MECOM: variants seen among roughly 807,000 people sequenced by gnomAD.
The protein encoded by MECOM is MDS1 and EVI1 complex locus.
MECOM carries 13 observed loss-of-function variants against 116.3 expected under a neutral mutation model. That is an observed-to-expected ratio of 0.11 (90% CI 0.07 to 0.18). The LOEUF (loss-of-function observed/expected upper bound fraction) is 0.18, where lower values mean the gene tolerates loss of function less well. Ranked by LOEUF, MECOM falls within the 10% of genes least tolerant of loss-of-function variation. The probability of loss-of-function intolerance (pLI) is 1.00; values close to 1 mark genes in which losing one functional copy is unlikely to be tolerated. For synonymous variants in MECOM, 528 were observed against 535.2 expected (o/e 0.99, Z 0.19); for missense variants, 1,299 against 1,509.0 (o/e 0.86, Z 2.31).
intron 1 of MECOM, among the ~76,000 whole-genome samples, chr3:169,633,839 GA>G (rs780309624): frequency 6.6e-6 from 1 of 151,232 alleles, no homozygotes; most frequent in Non-Finnish European, 1.5e-5. Context: ...AAGTGTCAGG[GA>G]GGAAACAAAG....
intron 1 of MECOM, among the ~76,000 whole-genome samples, chr3:169,506,416 C>G (rs948813261): frequency 6.6e-6 from 1 of 151,786 alleles, no homozygotes; most frequent in Non-Finnish European, 1.5e-5. Context: ...TAGCGACTTT[C>G]CTCTTGACTT....
intron 1 of MECOM, among the ~76,000 whole-genome samples, chr3:169,598,716 A>T (rs1262645219): frequency 6.6e-6 from 1 of 152,214 alleles, no homozygotes; most frequent in Non-Finnish European, 1.5e-5. Flanking sequence ...GTTGGTGCAT[A>T]TAAACTCTTA....
chr3:169,460,932 T>C (rs1481687328), intron 1 of MECOM, among the ~76,000 whole-genome samples: 1 of 152,192 alleles, frequency 6.6e-6, no homozygotes, highest in East Asian at 1.9e-4. Context: ...CAGATTCAGG[T>C]ATCAGTTGGC....
chr3:169,280,601 G>T (rs1272501827), intron 2 of MECOM, among the ~76,000 whole-genome samples: 1 of 152,176 alleles, frequency 6.6e-6, no homozygotes, highest in African/African-American at 2.4e-5. Flanking sequence ...GCTAAATAGG[G>T]AGGGGTTGTG....
chr3:169,414,426 A>G (rs1010621066), intron 1 of MECOM, among the ~76,000 whole-genome samples: 2 of 152,244 alleles, frequency 1.3e-5, no homozygotes, highest in Admixed American at 6.5e-5. Flanking sequence ...GAAGATGGGG[A>G]AAAACCAGCA....
At chr3:169,608,631 A>G (rs532699972) in intron 1 of MECOM, among the ~76,000 whole-genome samples, 1 of 152,284 alleles carries the variant, frequency 6.6e-6, no homozygotes, top group African/African-American at 2.4e-5. Flanking sequence ...GCAGTTATTA[A>G]GAGTCTGGTG....
intron 2 of MECOM, among the ~76,000 whole-genome samples, chr3:169,253,735 C>T (rs1176602604): frequency 6.6e-6 from 1 of 151,988 alleles, no homozygotes; most frequent in African/African-American, 2.4e-5. Context: ...AATGGCTTAA[C>T]ACAATTTCAT....
chr3:169,100,362 G>T (rs1480151667), intron 12 of MECOM, among the ~76,000 whole-genome samples: 1 of 151,964 alleles, frequency 6.6e-6, no homozygotes, highest in Non-Finnish European at 1.5e-5. Context: ...GCCTCCCAAA[G>T]TGTCGGGATT....
intron 8 of MECOM, among the ~76,000 whole-genome samples, chr3:169,113,705 TA>T (rs1488607469): frequency 6.6e-6 from 1 of 152,128 alleles, no homozygotes; most frequent in African/African-American, 2.4e-5. Flanking sequence ...ACTTGGTAAT[TA>T]AAAAAACTTT....
At chr3:169,309,630 A>G (rs563543256) in intron 2 of MECOM, among the ~76,000 whole-genome samples, 2 of 152,344 alleles carry the variant, frequency 1.3e-5, no homozygotes, top group East Asian at 3.9e-4. Context: ...CATATCTGGA[A>G]TAGGCTTTAT....
chr3:169,630,833 A>G, intron 1 of MECOM, among the ~76,000 whole-genome samples: 1 of 152,206 alleles, frequency 6.6e-6, no homozygotes, highest in South Asian at 2.1e-4. Flanking sequence ...AGCTAAGTTC[A>G]GGGACCCTGT....
At chr3:169,531,468 C>A (rs1443595023) in intron 1 of MECOM, among the ~76,000 whole-genome samples, 1 of 152,168 alleles carries the variant, frequency 6.6e-6, no homozygotes, top group East Asian at 1.9e-4. Flanking sequence ...CTCATATGAC[C>A]CTCTCCATAA....
intron 1 of MECOM, among the ~76,000 whole-genome samples, chr3:169,656,040 T>A (rs1295571500): frequency 2.0e-5 from 3 of 152,210 alleles, no homozygotes; most frequent in Non-Finnish European, 2.9e-5. Flanking sequence ...AACACTGATG[T>A]GCACGTTTGT....
At chr3:169,354,620 G>A (rs1276381958) in intron 2 of MECOM, among the ~76,000 whole-genome samples, 1 of 151,912 alleles carries the variant, frequency 6.6e-6, no homozygotes, top group Non-Finnish European at 1.5e-5. Context: ...TTTAGAAAAT[G>A]TGTGCAAAGT....
chr3:169,143,668 A>G, intron 3 of MECOM, 30 bp downstream of exon 3: 1 of 1,545,976 alleles, frequency 6.5e-7, no homozygotes, highest in Non-Finnish European at 8.8e-7. Context: ...TGTGCTCTCA[A>G]GGAAAGACAA....
At chr3:169,445,671 C>A (rs183974368) in intron 1 of MECOM, among the ~76,000 whole-genome samples, 1 of 152,162 alleles carries the variant, frequency 6.6e-6, no homozygotes. Flanking sequence ...ATCCTCCAGA[C>A]CCCAGAATGG....
chr3:169,264,042 C>G (rs1757963530), intron 2 of MECOM, among the ~76,000 whole-genome samples: 1 of 152,062 alleles, frequency 6.6e-6, no homozygotes, highest in Non-Finnish European at 1.5e-5. Flanking sequence ...CACTTCCATA[C>G]AGAGTAGATT....
chr3:169,209,873 A>G (rs1367950279), intron 2 of MECOM, among the ~76,000 whole-genome samples: 1 of 152,218 alleles, frequency 6.6e-6, no homozygotes, highest in East Asian at 1.9e-4. Flanking sequence ...CAAAGAATAT[A>G]AATCATTCTT....
At chr3:169,564,083 A>T (rs912615660) in intron 1 of MECOM, among the ~76,000 whole-genome samples, 1 of 152,244 alleles carries the variant, frequency 6.6e-6, no homozygotes, top group African/African-American at 2.4e-5. Context: ...CTTTTCAATA[A>T]AGGGAATAAC....
Sources: allele counts gnomAD v4.1 joint callset (sites outside exome capture counted in the v4.1 genomes callset), GRCh38; gene constraint gnomAD v4.1.1; transcripts MANE v1.5; gene names NCBI Gene and HGNC (gene_info 2026-07-23, HGNC 2026-07-21).